AFF1: variants seen among roughly 807,000 people sequenced by gnomAD.
The protein encoded by AFF1 is ALF transcription elongation factor 1, also known as AF4/FMR2 family member 1.
Under a neutral mutation model 121.7 loss-of-function variants are expected in AFF1, and 48 were observed. That is an observed-to-expected ratio of 0.39 (90% CI 0.31 to 0.50). The LOEUF is 0.50. Among genes scored for constraint, AFF1 ranks in the 20% least tolerant of loss-of-function variants. The probability of loss-of-function intolerance (pLI) is 0.76; values close to 1 mark genes in which losing one functional copy is unlikely to be tolerated. For synonymous variants in AFF1, 613 were observed against 563.0 expected (o/e 1.09, Z -1.26); for missense variants, 1,523 against 1,511.7 (o/e 1.01, Z -0.12).
At chr4:86,969,577 T>TA (rs5860046) in intron 2 of AFF1, among the ~76,000 whole-genome samples, 75,623 of 145,434 alleles carry the variant, frequency 0.52, 20,363 homozygotes, top group South Asian at 0.61. Context: ...AAATAGTTGT[T>TA]AAAAAAAAAA....
In AFF1 at chr4:87,047,000, C is replaced by T; in HGVS notation, c.465C>T (p.Ala155=). The T allele has an allele frequency of 6.2e-7, 1 of 1,614,104 alleles. No individual in the cohort carries two copies. The highest frequency in any genetic ancestry group is 1.1e-5 in the South Asian group (1 of 91,062). Residue 155 remains alanine, a synonymous_variant, in exon 4 of 21, where the codon GCC becomes GCT. Transcript: ENST00000395146. ...CTGAACCAATGCCAAGTCTCCATGC[C>T]AAAAGCTGCGGCCCACCGGACAGCC... ...PRTEPMPSLH[A]KSCGPPDSQH...
chr4:86,986,730 G>A (rs7690864), intron 2 of AFF1, among the ~76,000 whole-genome samples: 5,469 of 152,092 alleles, frequency 0.036, 314 homozygotes, highest in African/African-American at 0.12. Context: ...GAAATTGGAA[G>A]AATAATTAGA....
chr4:87,030,009 G>T (rs1482105644), intron 2 of AFF1, among the ~76,000 whole-genome samples: 2 of 152,154 alleles, frequency 1.3e-5, no homozygotes, highest in Admixed American at 6.5e-5. Context: ...TAAGAATGGA[G>T]ATTTTAATCT....
At chr4:87,019,056 G>A (rs1347707474) in intron 2 of AFF1, among the ~76,000 whole-genome samples, 1 of 152,170 alleles carries the variant, frequency 6.6e-6, no homozygotes. Context: ...ATGGGAAGTG[G>A]GGTGAAAGAT....
At chr4:87,042,908 A>G (rs1730298975) in intron 2 of AFF1, among the ~76,000 whole-genome samples, 1 of 152,264 alleles carries the variant, frequency 6.6e-6, no homozygotes, top group African/African-American at 2.4e-5. Context: ...GAGAAACCCA[A>G]CTGATGCTGA....
chr4:87,076,304 A>T (rs1722665018), intron 4 of AFF1, among the ~76,000 whole-genome samples: 1 of 152,130 alleles, frequency 6.6e-6, no homozygotes, highest in Non-Finnish European at 1.5e-5. Context: ...CTGTTTAGAG[A>T]ACTATAGAGA....
At chr4:86,940,893 G>A (rs189017069) in intron 1 of AFF1, among the ~76,000 whole-genome samples, 4 of 151,840 alleles carry the variant, frequency 2.6e-5, no homozygotes, top group Admixed American at 2.6e-4. Flanking sequence ...TTTGAGACCA[G>A]CTTAGCCAAC....
chr4:87,065,146 C>T (rs1217474846), intron 4 of AFF1, among the ~76,000 whole-genome samples: 2 of 152,110 alleles, frequency 1.3e-5, no homozygotes, highest in Non-Finnish European at 2.9e-5. Context: ...GGGCAATTTA[C>T]AAAGGAAAGA....
At position 86,978,890 on chromosome 4, in the gene AFF1, A is replaced by G. The variant is rs1028832877; in HGVS notation, c.38+30319A>G. Among the ~76,000 whole-genome samples the G allele has an allele frequency of 2.0e-5, 3 of 152,032 alleles. No homozygotes were observed. In the East Asian group the frequency reaches 5.8e-4, roughly 29 times the overall value. On this transcript the variant is annotated intron_variant, in intron 2 of 20. Transcript: ENST00000395146. ...TTTTCTAGCACTTGTAGCTCACCTTATCTCCCACTTCCCTTTTTAAATAGA... is the reference window on the plus strand; with the variant it reads ...TTTTCTAGCACTTGTAGCTCACCTTGTCTCCCACTTCCCTTTTTAAATAGA...
In AFF1 at chr4:86,983,258, C is replaced by T. The variant is rs540381479; in HGVS notation, c.38+34687C>T. On this transcript the variant is annotated intron_variant, in intron 2 of 20. Coordinates refer to ENST00000395146, the MANE Select transcript of AFF1 (RefSeq NM_001166693.3). ...ATACTAAAACTAAGGCTGGGCACAG[C>T]GGTTCACTCCTGTAATCCCAGCATT... 5.1e-4 allele frequency among the ~76,000 whole-genome samples: 78 copies of T among 152,136 alleles called. No homozygotes were observed. The South Asian group carries it at 0.013, about 26-fold the overall frequency.
chr4:87,029,416 T>C (rs964155124), intron 2 of AFF1, among the ~76,000 whole-genome samples: 16 of 152,220 alleles, frequency 1.1e-4, no homozygotes, highest in Non-Finnish European at 2.1e-4. Flanking sequence ...CTGACAGATG[T>C]CTTTTTATGT....
chr4:87,084,505 C>T (rs145374622), intron 5 of AFF1, among the ~76,000 whole-genome samples: 379 of 151,210 alleles, frequency 2.5e-3, no homozygotes, highest in African/African-American at 8.4e-3. Flanking sequence ...GCTGAGATCA[C>T]GCCACTGCAC....
chr4:86,984,798 A>G (rs1724078771), intron 2 of AFF1, among the ~76,000 whole-genome samples: 1 of 152,028 alleles, frequency 6.6e-6, no homozygotes, highest in Non-Finnish European at 1.5e-5. Context: ...GTAGCTGGGC[A>G]TATAGTCCCG....
intron 4 of AFF1, among the ~76,000 whole-genome samples, chr4:87,077,446 C>T (rs998802802): frequency 2.0e-5 from 3 of 152,094 alleles, no homozygotes; most frequent in East Asian, 1.9e-4. Flanking sequence ...AGCTGTACTT[C>T]GAGAACAGGC....
chr4:87,058,983 T>G (rs1720445729), intron 4 of AFF1, among the ~76,000 whole-genome samples: 1 of 152,162 alleles, frequency 6.6e-6, no homozygotes, highest in African/African-American at 2.4e-5. Flanking sequence ...TTAAACACTC[T>G]CCTCCCCTGT....
chr4:87,057,789 G>A (rs1246954073), intron 4 of AFF1, among the ~76,000 whole-genome samples: 1 of 152,168 alleles, frequency 6.6e-6, no homozygotes, highest in African/African-American at 2.4e-5. Context: ...TTAAAAATAA[G>A]TAAACAAATG....
intron 2 of AFF1, among the ~76,000 whole-genome samples, chr4:87,010,217 T>G (rs1726595694): frequency 6.6e-6 from 1 of 151,742 alleles, no homozygotes; most frequent in Admixed American, 6.5e-5. Flanking sequence ...TTGTGGCTGA[T>G]TTCTTCTCTT....
intron 12 of AFF1, among the ~76,000 whole-genome samples, chr4:87,119,415 A>G (rs1257693584): frequency 6.8e-6 from 1 of 148,118 alleles, no homozygotes. Flanking sequence ...ACTGTCTCTG[A>G]AAAAAAAAAA....
rs976529018 is a variant in AFF1, at chr4:87,138,334, A to G, written c.*2633A>G. 4.3e-6 allele frequency: 1 copy of G among 232,358 alleles called. No homozygotes were observed. Among genetic ancestry groups the G allele is most frequent in the Non-Finnish European group, 8.5e-6 (1 of 117,512 alleles). 14.4% of individuals were successfully genotyped at this position (232,358 alleles called of 1,614,324 possible). The stretch of plus-strand genomic sequence containing the variant: ...TACAATTCCCAAAGGCAAAATCTGT[A>G]CTGAGGTAGATCATTTGAAAGGGCT... On this transcript the variant is annotated 3_prime_UTR_variant, in exon 21 of 21. Coordinates refer to ENST00000395146, the MANE Select transcript of AFF1 (RefSeq NM_001166693.3).
Sources: allele counts gnomAD v4.1 joint callset (sites outside exome capture counted in the v4.1 genomes callset), GRCh38; gene constraint gnomAD v4.1.1; transcripts MANE v1.5; gene names NCBI Gene and HGNC (gene_info 2026-07-23, HGNC 2026-07-21).